CFAP20DC: variants seen among roughly 807,000 people sequenced by gnomAD.
CFAP20DC encodes protein CFAP20DC.
A neutral mutation model predicts 101.7 loss-of-function variants in CFAP20DC; 84 were observed. The ratio of observed to expected loss-of-function variants is 0.83; its 90% CI spans 0.69 to 0.99. CFAP20DC has a LOEUF of 0.99. Ranked by LOEUF, CFAP20DC falls within the 50% of genes least tolerant of loss-of-function variation. CFAP20DC has a pLI of 0.00. For missense variants in CFAP20DC, 1,007 were observed against 970.3 expected, an observed-to-expected ratio of 1.04 and a Z score of -0.50; for synonymous variants, 359 against 351.2, an observed-to-expected ratio of 1.02 and a Z score of -0.25.
At chr3:58,810,513 C>CT in intron 14 of CFAP20DC, among the ~76,000 whole-genome samples, 1 of 152,164 alleles carries the variant, frequency 6.6e-6, no homozygotes, top group South Asian at 2.1e-4. Flanking sequence ...ACCCTCCATG[C>CT]TAAAAACTCT....
At position 58,882,832 on chromosome 3, in the gene CFAP20DC, G is replaced by T. The variant is rs1576117384; in HGVS notation, c.715+1713C>A. On this transcript the variant is annotated intron_variant, in intron 7 of 16. Transcript: ENST00000482387. This position sits in a 1 kb window ranked among gnomAD's most constrained non-coding sequence, Gnocchi z 4.2. ...TGGTAACTGTGGAAGCAGGTGATTG[G>T]GTACACAGGGGTTGTTCATCATACA... 6.6e-6 allele frequency among the ~76,000 whole-genome samples: 1 copy of T among 152,074 alleles called. No individual in the cohort carries two copies. Among genetic ancestry groups the T allele is most frequent in the Non-Finnish European group, 1.5e-5 (1 of 68,010 alleles).
At chr3:59,023,261 G>C (rs1327540313) in intron 4 of CFAP20DC, among the ~76,000 whole-genome samples, 1 of 151,364 alleles carries the variant, frequency 6.6e-6, no homozygotes, top group African/African-American at 2.4e-5. Flanking sequence ...CACTACTGAA[G>C]ACCAACCATG....
intron 15 of CFAP20DC, chr3:58,794,289 T>C (rs2073072714): frequency 2.2e-6 from 1 of 450,354 alleles, no homozygotes; most frequent in South Asian, 1.6e-5. Flanking sequence ...GAGCACCAAA[T>C]TGCATCTGAT....
intron 13 of CFAP20DC, among the ~76,000 whole-genome samples, chr3:58,834,623 T>C (rs535894324): frequency 6.6e-6 from 1 of 152,242 alleles, no homozygotes; most frequent in East Asian, 1.9e-4. Context: ...TTACCAGCTT[T>C]AAATGACTAG....
chr3:59,013,515 C>T (rs10510797), intron 4 of CFAP20DC, among the ~76,000 whole-genome samples: 2,680 of 152,250 alleles, frequency 0.018, 67 homozygotes, highest in African/African-American at 0.06. Context: ...AAATTCATTA[C>T]ACACAGAAAG....
chr3:58,815,793 A>C (rs1575734718), intron 14 of CFAP20DC, among the ~76,000 whole-genome samples: 2 of 150,092 alleles, frequency 1.3e-5, no homozygotes, highest in African/African-American at 4.9e-5. Context: ...AGAAATGCAA[A>C]TCAAAACCAC....
In CFAP20DC at chr3:59,049,912, G is replaced by A; in HGVS notation, c.-281C>T. On this transcript the variant is annotated 5_prime_UTR_variant, in exon 1 of 17. Transcript: ENST00000482387. ...GGACGGACTCCGGGCCGTCCCTGGGGAGTGATTGTGTGTGTAACCTACGTG... is the reference window on the plus strand; with the variant it reads ...GGACGGACTCCGGGCCGTCCCTGGGAAGTGATTGTGTGTGTAACCTACGTG... 2 of 514,102 alleles carry A rather than the reference G, an allele frequency of 3.9e-6. No homozygotes were observed. Among genetic ancestry groups the A allele is most frequent in the South Asian group, 5.2e-5 (2 of 38,406 alleles). The allele number at this position is 514,102 out of a possible 1,614,324, so 31.8% of individuals were successfully genotyped here. A position where few individuals can be genotyped will look rare whatever the true frequency, so the allele number is the denominator to read the frequency against.
At chr3:58,870,551 T>C (rs2080084333) in intron 7 of CFAP20DC, among the ~76,000 whole-genome samples, 1 of 151,238 alleles carries the variant, frequency 6.6e-6, no homozygotes, top group African/African-American at 2.4e-5. Flanking sequence ...ATTTTTATAC[T>C]CACCATCATT....
intron 14 of CFAP20DC, among the ~76,000 whole-genome samples, chr3:58,828,174 T>C (rs2076168744): frequency 6.6e-6 from 1 of 152,178 alleles, no homozygotes; most frequent in Non-Finnish European, 1.5e-5. Flanking sequence ...GGGGAGTCAC[T>C]GAAAGGCTTT....
intron 14 of CFAP20DC, among the ~76,000 whole-genome samples, chr3:58,830,975 T>C (rs1251169619): frequency 6.6e-6 from 1 of 152,166 alleles, no homozygotes; most frequent in African/African-American, 2.4e-5. Flanking sequence ...AGGACAGTAT[T>C]GTAGAGAATG....
At chr3:58,998,101 T>C (rs1048463060) in intron 4 of CFAP20DC, among the ~76,000 whole-genome samples, 3 of 152,158 alleles carry the variant, frequency 2.0e-5, no homozygotes, top group Non-Finnish European at 4.4e-5. Flanking sequence ...TGGACTTTGG[T>C]AGCTGTGGGG....
Position 58,971,046 on chromosome 3 carries a change from C to T in CFAP20DC, c.279-33284G>A, listed in dbSNP as rs1448179211. On this transcript the variant is annotated intron_variant, in intron 4 of 16. Coordinates refer to ENST00000482387, the MANE Select transcript of CFAP20DC (RefSeq NM_001394063.1). This position sits in a 1 kb window ranked among gnomAD's most constrained non-coding sequence, Gnocchi z 4.1. Reference sequence around the variant, plus strand: ...CTAACCTCCCAAGCATACACTTTGCCATAAATTGACAACAAATTCACCCTT... The same window carrying T: ...CTAACCTCCCAAGCATACACTTTGCTATAAATTGACAACAAATTCACCCTT... Among the ~76,000 whole-genome samples, 1 of 152,136 alleles carries T rather than the reference C, an allele frequency of 6.6e-6. No individual in the cohort carries two copies. The highest frequency in any genetic ancestry group is 1.5e-5 in the Non-Finnish European group (1 of 68,028).
At chr3:58,858,942 ATTTCTTCTT>A (rs1157043359) in intron 12 of CFAP20DC, among the ~76,000 whole-genome samples, 2 of 152,214 alleles carry the variant, frequency 1.3e-5, no homozygotes, top group Non-Finnish European at 2.9e-5. Context: ...GAAAAAAATA[ATTTCTTCTT>A]TGATGATAAC....
chr3:58,920,153 C>T (rs1365354499), intron 5 of CFAP20DC, among the ~76,000 whole-genome samples: 1 of 142,552 alleles, frequency 7.0e-6, no homozygotes, highest in African/African-American at 2.6e-5. Flanking sequence ...TGATCACTGC[C>T]AGTGGAGGCT....
At chr3:58,929,912 T>G (rs189041099) in intron 5 of CFAP20DC, among the ~76,000 whole-genome samples, 14 of 152,270 alleles carry the variant, frequency 9.2e-5, no homozygotes, top group Admixed American at 8.5e-4. Context: ...TGTTGGAACC[T>G]CCTTGGTTCT....
At chr3:58,816,747 A>T (rs2075197677) in intron 14 of CFAP20DC, among the ~76,000 whole-genome samples, 1 of 152,166 alleles carries the variant, frequency 6.6e-6, no homozygotes, top group Non-Finnish European at 1.5e-5. Context: ...TTGCTTAGGT[A>T]AACAAAGCAG....
At chr3:58,850,181 A>C (rs1249806363) in intron 12 of CFAP20DC, among the ~76,000 whole-genome samples, 1 of 152,192 alleles carries the variant, frequency 6.6e-6, no homozygotes, top group Non-Finnish European at 1.5e-5. Context: ...GAAAATGAGA[A>C]ATGTAGTGCT....
intron 4 of CFAP20DC, among the ~76,000 whole-genome samples, chr3:59,039,243 T>G (rs2094155559): frequency 6.6e-6 from 1 of 152,090 alleles, no homozygotes; most frequent in African/African-American, 2.4e-5. Context: ...AACATCGCCC[T>G]TCATTCAAAC....
At chr3:58,816,808 T>C (rs371239130) in intron 14 of CFAP20DC, among the ~76,000 whole-genome samples, 1 of 152,112 alleles carries the variant, frequency 6.6e-6, no homozygotes, top group Non-Finnish European at 1.5e-5. Flanking sequence ...GAGGCCTGCC[T>C]GCCTCTGTAG....
Sources: gnomAD v4.1 joint callset for allele counts (sites outside exome capture counted in the v4.1 genomes callset) on GRCh38, gnomAD v4.1.1 for gene constraint, Gnocchi (gnomAD v3.1) non-coding constraint, MANE v1.5 for transcripts, NCBI Gene and HGNC (gene_info 2026-07-23, HGNC 2026-07-21) for gene names.